The following GNG2 variants were observed in gnomAD, a reference collection of about 807,000 sequenced individuals.
The protein encoded by GNG2 is G protein subunit gamma 2.
In GNG2, 5 loss-of-function variants were observed where a neutral mutation model predicts 5.5. The ratio of observed to expected loss-of-function variants is 0.91; its 90% confidence interval spans 0.48 to 1.92. The LOEUF (loss-of-function observed/expected upper bound fraction) is 1.92, where lower values mean the gene tolerates loss of function less well. Ranked by LOEUF, GNG2 falls within the 30% of genes most tolerant of loss-of-function variation. The pLI, the probability that GNG2 is intolerant of heterozygous loss-of-function variation, is 0.01. For synonymous variants in GNG2, 28 were observed against 32.0 expected, an observed-to-expected ratio of 0.88 and a Z score of 0.42; for missense variants, 55 against 88.4, an observed-to-expected ratio of 0.62 and a Z score of 1.52.
chr14:51,903,916 C>CT (rs1332087655), intron 2 of GNG2, among the ~76,000 whole-genome samples: 1 of 152,308 alleles, frequency 6.6e-6, no homozygotes, highest in East Asian at 1.9e-4. Flanking sequence ...GAATTTTGTT[C>CT]TGTTCCCAAG....
intron 2 of GNG2, among the ~76,000 whole-genome samples, chr14:51,848,351 G>A (rs1316480231): frequency 1.3e-5 from 2 of 151,916 alleles, no homozygotes; most frequent in African/African-American, 2.4e-5. Flanking sequence ...TTCCCACCCC[G>A]TGGCTGTACA....
chr14:51,906,757 C>CTTTTTTTTTTTTT (rs34240079), intron 2 of GNG2, among the ~76,000 whole-genome samples: 3,747 of 104,804 alleles, frequency 0.036, 381 homozygotes, highest in East Asian at 0.066. Flanking sequence ...TGGAGAATCT[C>CTTTTTTTTTTTTT]TTTTTTTTTT....
chr14:51,884,106 A>G (rs1266641231), intron 2 of GNG2, among the ~76,000 whole-genome samples: 1 of 152,132 alleles, frequency 6.6e-6, no homozygotes, highest in African/African-American at 2.4e-5. Context: ...GTTAATCTGT[A>G]TCAAAAAGGT....
chr14:51,963,812 C>G (rs1321821626), intron 3 of GNG2, among the ~76,000 whole-genome samples: 1 of 152,130 alleles, frequency 6.6e-6, no homozygotes, highest in Non-Finnish European at 1.5e-5. Flanking sequence ...CTCAGGATTA[C>G]TGTGAAGATC....
At chr14:51,844,712 C>T (rs1881576111) in intron 2 of GNG2, among the ~76,000 whole-genome samples, 1 of 152,148 alleles carries the variant, frequency 6.6e-6, no homozygotes, top group South Asian at 2.1e-4. Context: ...GGTATCTGTT[C>T]CTCTTTACCT....
chr14:51,847,588 T>C (rs889380899), intron 2 of GNG2, among the ~76,000 whole-genome samples: 5 of 152,202 alleles, frequency 3.3e-5, no homozygotes, highest in African/African-American at 1.2e-4. Flanking sequence ...CATGTGAAGT[T>C]AACCAGTGAG....
chr14:51,912,341 A>G (rs935759029), intron 2 of GNG2, among the ~76,000 whole-genome samples: 3 of 152,164 alleles, frequency 2.0e-5, no homozygotes, highest in African/African-American at 7.2e-5. Context: ...CCCATCTTCT[A>G]TCCCCACACC....
At chr14:51,884,636 G>A (rs934121613) in intron 2 of GNG2, among the ~76,000 whole-genome samples, 4 of 152,190 alleles carry the variant, frequency 2.6e-5, no homozygotes, top group Admixed American at 6.5e-5. Flanking sequence ...TGAAGGAGAC[G>A]GGTGCAGACC....
intron 2 of GNG2, among the ~76,000 whole-genome samples, chr14:51,922,963 C>G (rs1411683185): frequency 6.6e-6 from 1 of 152,178 alleles, no homozygotes; most frequent in African/African-American, 2.4e-5. Flanking sequence ...CAAGGCAGCC[C>G]CAGGAGCTCT....
chr14:51,850,289 A>G (rs1198176900), intron 2 of GNG2, among the ~76,000 whole-genome samples: 1 of 152,140 alleles, frequency 6.6e-6, no homozygotes, highest in African/African-American at 2.4e-5. Flanking sequence ...TGTGGCTGTT[A>G]AAATTGCCTG....
At chr14:51,912,521 C>A (rs1335996973) in intron 2 of GNG2, among the ~76,000 whole-genome samples, 1 of 152,158 alleles carries the variant, frequency 6.6e-6, no homozygotes, top group Non-Finnish European at 1.5e-5. Flanking sequence ...TCCAGAGATG[C>A]CTAACACCAT....
intron 2 of GNG2, among the ~76,000 whole-genome samples, chr14:51,942,592 T>TCTTTCTTTCTTTCTTTC (rs574783206): frequency 7.6e-6 from 1 of 132,208 alleles, no homozygotes; most frequent in African/African-American, 2.9e-5. Flanking sequence ...TTTCTTTCTT[T>TCTTTCTTTCTTTCTTTC]TTTTTTTTTT....
chr14:51,956,713 T>C (rs1304838951), intron 3 of GNG2, among the ~76,000 whole-genome samples: 2 of 152,196 alleles, frequency 1.3e-5, no homozygotes, highest in African/African-American at 2.4e-5. Flanking sequence ...ATACCCTTAA[T>C]ACACAGGCAA....
intron 2 of GNG2, among the ~76,000 whole-genome samples, chr14:51,897,286 A>T (rs889355371): frequency 2.6e-5 from 4 of 152,232 alleles, no homozygotes; most frequent in Non-Finnish European, 5.9e-5. Flanking sequence ...ATTCACTTAC[A>T]GTTAGGAAAT....
Position 51,903,731 on chromosome 14 carries a change from G to A in GNG2, c.-30+26074G>A, listed in dbSNP as rs553925283. On this transcript the variant is annotated intron_variant, in intron 2 of 3. Transcript: ENST00000556766. ...CTGCACGATAAATCCTTAGAAGATG[G>A]CAGGGACTTTCACAGATGTACTCAA... 3.3e-5 allele frequency among the ~76,000 whole-genome samples: 5 copies of A among 152,134 alleles called. No individual in the cohort carries two copies. The East Asian group carries it at 9.6e-4, about 29-fold the overall frequency.
rs1297163610 is a variant in GNG2, at chr14:51,967,088, T to C, written c.*401T>C. 1 of 157,376 alleles carries C rather than the reference T, an allele frequency of 6.4e-6. No individual in the cohort carries two copies. The highest frequency in any genetic ancestry group is 2.4e-5 in the African/African-American group (1 of 41,418). The allele number at this position is 157,376 out of a possible 1,614,324, so 9.7% of individuals were successfully genotyped here. On this transcript the variant is annotated 3_prime_UTR_variant, in exon 4 of 4. Coordinates refer to ENST00000556766, the MANE Select transcript of GNG2 (RefSeq NM_053064.5). ...TGAATATTGTCTTTAGAATACCCTT[T>C]GATAAGCTGAGCTGTCCCGTGTAGA...
chr14:51,952,933 C>T (rs1036575167), intron 3 of GNG2, among the ~76,000 whole-genome samples: 2 of 152,116 alleles, frequency 1.3e-5, no homozygotes, highest in Non-Finnish European at 2.9e-5. Context: ...AAATTCAGGC[C>T]CTTTAGCAGT....
intron 2 of GNG2, among the ~76,000 whole-genome samples, chr14:51,892,794 C>T (rs1321794430): frequency 2.6e-5 from 4 of 152,096 alleles, no homozygotes; most frequent in Admixed American, 6.5e-5. Flanking sequence ...GTGTAATAAA[C>T]ATATGTTGGG....
intron 2 of GNG2, chr14:51,877,916 T>C (rs1883781525): frequency 3.6e-6 from 1 of 281,254 alleles, no homozygotes; most frequent in African/African-American, 2.3e-5. Flanking sequence ...TTGAGGCTGC[T>C]GTCTTAACAG....
Sources: allele counts gnomAD v4.1 joint callset (sites outside exome capture counted in the v4.1 genomes callset), GRCh38; gene constraint gnomAD v4.1.1; transcripts MANE v1.5; gene names NCBI Gene and HGNC (gene_info 2026-07-23, HGNC 2026-07-21).